MMP16: variants seen among roughly 807,000 people sequenced by gnomAD.
MMP16 encodes matrix metallopeptidase 16.
Under a neutral mutation model 67.8 loss-of-function variants are expected in MMP16, and 12 were observed. The ratio of observed to expected loss-of-function variants is 0.18; its 90% CI spans 0.11 to 0.29. MMP16 has a LOEUF of 0.29. MMP16 is among the 10% of genes least tolerant of loss of function. The probability of loss-of-function intolerance (pLI) is 1.00; values close to 1 mark genes in which losing one functional copy is unlikely to be tolerated. For missense variants in MMP16, 475 were observed against 765.7 expected, an observed-to-expected ratio of 0.62 and a Z score of 4.48; for synonymous variants, 249 against 255.9, an observed-to-expected ratio of 0.97 and a Z score of 0.26.
chr8:88,134,963 G>T lies in MMP16; in HGVS notation c.710-16102C>A, dbSNP rs78823468. Among the ~76,000 whole-genome samples the T allele has an allele frequency of 3.8e-3, 573 of 151,092 alleles. 6 individuals carry two copies. Among genetic ancestry groups the T allele is most frequent in the African/African-American group, 0.012 (502 of 41,274 alleles). ...ATATTAACAGAATTTTCCCAAATAA[G>T]CTTTTTCATCATTAAAAAAAGGATA... On this transcript the variant is annotated intron_variant, in intron 4 of 9. Coordinates refer to ENST00000286614, the MANE Select transcript of MMP16 (RefSeq NM_005941.5).
At chr8:88,285,321 G>A (rs1306589438) in intron 1 of MMP16, among the ~76,000 whole-genome samples, 1 of 151,958 alleles carries the variant, frequency 6.6e-6, no homozygotes, top group Admixed American at 6.6e-5. Flanking sequence ...TATATTTTTA[G>A]TAGCGATGGG....
At chr8:88,081,678 GA>G (rs1295636061) in intron 6 of MMP16, among the ~76,000 whole-genome samples, 2 of 152,058 alleles carry the variant, frequency 1.3e-5, no homozygotes, top group East Asian at 3.9e-4. Context: ...GTAAATATTT[GA>G]ATGTCACCTA....
chr8:88,226,142 A>T (rs1277829222), intron 1 of MMP16, among the ~76,000 whole-genome samples: 1 of 151,984 alleles, frequency 6.6e-6, no homozygotes, highest in African/African-American at 2.4e-5. Context: ...TATATATATT[A>T]GGTGTATTAA....
chr8:88,039,110 T>C lies in MMP16; in HGVS notation c.*2351A>G, dbSNP rs927298099. On this transcript the variant is annotated 3_prime_UTR_variant, in exon 10 of 10. Coordinates refer to ENST00000286614, the MANE Select transcript of MMP16 (RefSeq NM_005941.5). This position sits in a 1 kb window ranked among gnomAD's most constrained non-coding sequence, Gnocchi z 4.5. ...AAATTCAAGGCAGCCAAACTATCCA[T>C]TTCCAAATAAGAATGTATACCTACA... 1 of 152,524 alleles carries C rather than the reference T, an allele frequency of 6.6e-6. No individual in the cohort carries two copies. Among genetic ancestry groups the C allele is most frequent in the Non-Finnish European group, 1.5e-5 (1 of 68,010 alleles). The allele number at this position is 152,524 out of a possible 1,614,324, so 9.4% of individuals were successfully genotyped here. A position where few individuals can be genotyped will look rare whatever the true frequency, so the allele number is the denominator to read the frequency against.
rs113147168 is a variant in MMP16, at chr8:88,146,731, G to C, written c.709+20938C>G. 9.2e-3 allele frequency among the ~76,000 whole-genome samples: 1,394 copies of C among 151,192 alleles called. 20 individuals carry two copies. Among genetic ancestry groups the C allele is most frequent in the African/African-American group, 0.032 (1,330 of 41,330 alleles). On this transcript the variant is annotated intron_variant, in intron 4 of 9. Transcript: ENST00000286614. ...AGCAATTATGGCATGAAAACATTCTGGTATATATGTACTAACGTACAGGGG... is the reference window on the plus strand; with the variant it reads ...AGCAATTATGGCATGAAAACATTCTCGTATATATGTACTAACGTACAGGGG...
intron 1 of MMP16, among the ~76,000 whole-genome samples, chr8:88,245,236 GT>G (rs1246729344): frequency 1.3e-5 from 2 of 152,274 alleles, no homozygotes; most frequent in East Asian, 1.9e-4. Context: ...ATCGTAGTTA[GT>G]TTTTACCAAA....
chr8:88,111,180 TGA>T (rs1586156879), intron 6 of MMP16, among the ~76,000 whole-genome samples: 1 of 151,688 alleles, frequency 6.6e-6, no homozygotes, highest in East Asian at 1.9e-4. Flanking sequence ...AATTGAGAGT[TGA>T]GAGAGAATTT....
chr8:88,086,486 C>T (rs553989803), intron 6 of MMP16, among the ~76,000 whole-genome samples: 9 of 151,810 alleles, frequency 5.9e-5, no homozygotes, highest in Non-Finnish European at 8.8e-5. Flanking sequence ...ATTCAATCTA[C>T]GGAGGAGGAG....
At chr8:88,316,277 C>T (rs1811373703) in intron 1 of MMP16, among the ~76,000 whole-genome samples, 1 of 152,096 alleles carries the variant, frequency 6.6e-6, no homozygotes. Flanking sequence ...TCAATATAGA[C>T]AAAACAGCCT....
chr8:88,048,588 T>C (rs1229141140), intron 8 of MMP16, among the ~76,000 whole-genome samples: 2 of 152,178 alleles, frequency 1.3e-5, no homozygotes, highest in African/African-American at 4.8e-5. Flanking sequence ...AGGAGAATTC[T>C]TGGAGGACAA....
chr8:88,276,914 C>A (rs1016067417), intron 1 of MMP16, among the ~76,000 whole-genome samples: 1 of 152,184 alleles, frequency 6.6e-6, no homozygotes, highest in South Asian at 2.1e-4. Flanking sequence ...ATGTATAAAT[C>A]ACAAATATTC....
In MMP16 at chr8:88,159,791, T is replaced by C. The variant is rs112155627; in HGVS notation, c.709+7878A>G. ...GTTTCTCATAAAAAGCTCTTATTAT[T>C]TTGAGATACGTCCCATCAATACCTA... is the stretch of plus-strand genomic sequence containing the variant. On this transcript the variant is annotated intron_variant, in intron 4 of 9. Transcript: ENST00000286614. Among the ~76,000 whole-genome samples, 826 of 152,170 alleles carry C rather than the reference T, an allele frequency of 5.4e-3. 2 individuals are homozygous for C. Among genetic ancestry groups the C allele is most frequent in the African/African-American group, 0.019 (772 of 41,522 alleles).
intron 6 of MMP16, among the ~76,000 whole-genome samples, chr8:88,104,154 T>C (rs745607204): frequency 6.6e-6 from 1 of 151,784 alleles, no homozygotes; most frequent in Non-Finnish European, 1.5e-5. Flanking sequence ...TAAACATATA[T>C]ATAACATTAT....
intron 1 of MMP16, among the ~76,000 whole-genome samples, chr8:88,308,306 G>A (rs1315189361): frequency 6.6e-6 from 1 of 152,006 alleles, no homozygotes; most frequent in East Asian, 1.9e-4. Context: ...TAATTATGAG[G>A]CTAAGACGTA....
intron 1 of MMP16, among the ~76,000 whole-genome samples, chr8:88,258,718 C>T (rs768802910): frequency 3.3e-5 from 5 of 152,150 alleles, no homozygotes; most frequent in Non-Finnish European, 7.3e-5. Flanking sequence ...TCATTTCTGA[C>T]CTAGGCAAAA....
chr8:88,071,867 A>G (rs1225768724), intron 7 of MMP16, among the ~76,000 whole-genome samples: 1 of 152,054 alleles, frequency 6.6e-6, no homozygotes, highest in African/African-American at 2.4e-5. Flanking sequence ...TATAATAGAG[A>G]CCATATGGGC....
chr8:88,063,516 C>G (rs1808427386), intron 7 of MMP16, among the ~76,000 whole-genome samples: 1 of 145,646 alleles, frequency 6.9e-6, no homozygotes, highest in African/African-American at 2.5e-5. Context: ...ACAATGCTTA[C>G]TCTGGAGGTT....
chr8:88,171,397 T>C (rs1382053054), intron 3 of MMP16, among the ~76,000 whole-genome samples: 2 of 152,150 alleles, frequency 1.3e-5, no homozygotes, highest in Non-Finnish European at 2.9e-5. Context: ...TGGGCCTAGG[T>C]TGAATCTGGG....
At chr8:88,146,342 T>C (rs903344838) in intron 4 of MMP16, among the ~76,000 whole-genome samples, 3 of 152,002 alleles carry the variant, frequency 2.0e-5, no homozygotes, top group Non-Finnish European at 2.9e-5. Context: ...AAACAGAATA[T>C]TGCCGACTCC....
Sources: allele counts gnomAD v4.1 joint callset (sites outside exome capture counted in the v4.1 genomes callset), GRCh38; gene constraint gnomAD v4.1.1; non-coding constraint Gnocchi (gnomAD v3.1); transcripts MANE v1.5; gene names NCBI Gene and HGNC (gene_info 2026-07-23, HGNC 2026-07-21).